DLG2: variants seen among roughly 807,000 people sequenced by gnomAD.
DLG2 encodes the protein discs large MAGUK scaffold protein 2, also known as disks large homolog 2.
DLG2 carries 45 observed loss-of-function variants against 132.5 expected under a neutral mutation model. The ratio of observed to expected loss-of-function variants is 0.34; its 90% CI spans 0.27 to 0.44. The LOEUF is 0.44. Among genes scored for constraint, DLG2 ranks in the 20% least tolerant of loss-of-function variants. DLG2 has a pLI of 1.00. For synonymous variants in DLG2, 424 were observed against 419.6 expected (o/e 1.01, Z -0.13); for missense variants, 1,045 against 1,196.9 (o/e 0.87, Z 1.87).
chr11:83,749,322 G>T (rs190559820), intron 18 of DLG2, among the ~76,000 whole-genome samples: 1 of 152,234 alleles, frequency 6.6e-6, no homozygotes, highest in Non-Finnish European at 1.5e-5. Context: ...CATTCAAACT[G>T]CTCAAGCTAA....
At chr11:83,997,038 A>C (rs896748800) in intron 11 of DLG2, among the ~76,000 whole-genome samples, 1 of 152,124 alleles carries the variant, frequency 6.6e-6, no homozygotes, top group African/African-American at 2.4e-5. Context: ...TGATATGCTT[A>C]CTTCGCGTGA....
At chr11:84,767,031 G>A (rs1228803506) in intron 6 of DLG2, among the ~76,000 whole-genome samples, 3 of 151,856 alleles carry the variant, frequency 2.0e-5, no homozygotes, top group Non-Finnish European at 2.9e-5. Flanking sequence ...CTGGTATGTT[G>A]GATAACATTG....
intron 7 of DLG2, among the ~76,000 whole-genome samples, chr11:84,470,511 G>A (rs776908536): frequency 1.3e-5 from 2 of 151,704 alleles, no homozygotes; most frequent in African/African-American, 4.8e-5. Context: ...TGCTTGGGGA[G>A]GAGTTTGCAG....
chr11:85,466,875 CATTGAATCT>C (rs2092809591), intron 3 of DLG2, among the ~76,000 whole-genome samples: 1 of 152,128 alleles, frequency 6.6e-6, no homozygotes, highest in Non-Finnish European at 1.5e-5. Flanking sequence ...ATGGGGATGG[CATTGAATCT>C]ATTAATTACC....
At chr11:85,190,082 T>C (rs576405321) in intron 4 of DLG2, among the ~76,000 whole-genome samples, 74 of 152,324 alleles carry the variant, frequency 4.9e-4, no homozygotes, top group African/African-American at 1.5e-3. Flanking sequence ...AAATGAAAGT[T>C]TGTTCATCCT....
chr11:85,350,539 T>C (rs1355085199), intron 3 of DLG2, among the ~76,000 whole-genome samples: 8 of 152,238 alleles, frequency 5.3e-5, no homozygotes, highest in African/African-American at 1.9e-4. Flanking sequence ...TTTATGGTTT[T>C]AGGTCTAACA....
chr11:85,508,625 T>C (rs2093988819), intron 3 of DLG2, among the ~76,000 whole-genome samples: 1 of 152,072 alleles, frequency 6.6e-6, no homozygotes, highest in Admixed American at 6.6e-5. Flanking sequence ...ATCTCTAGTT[T>C]CTAGAACAAT....
chr11:83,984,310 A>G (rs925752399), intron 11 of DLG2, among the ~76,000 whole-genome samples: 33 of 151,522 alleles, frequency 2.2e-4, no homozygotes, highest in African/African-American at 7.6e-4. Context: ...TTCAAGGTGA[A>G]GCAAGGTATT....
intron 6 of DLG2, among the ~76,000 whole-genome samples, chr11:84,918,709 A>G (rs1415351772): frequency 6.6e-6 from 1 of 152,204 alleles, no homozygotes; most frequent in Non-Finnish European, 1.5e-5. Flanking sequence ...GACTTAGTGT[A>G]AGTGGTTTGC....
chr11:84,152,339 T>TG (rs1474693568), intron 9 of DLG2, among the ~76,000 whole-genome samples: 7 of 149,086 alleles, frequency 4.7e-5, no homozygotes, highest in African/African-American at 1.5e-4. Flanking sequence ...TCTGTTTGTT[T>TG]GTTTGTTTTT....
At chr11:85,135,148 A>C (rs2076061450) in intron 5 of DLG2, among the ~76,000 whole-genome samples, 1 of 152,174 alleles carries the variant, frequency 6.6e-6, no homozygotes, top group South Asian at 2.1e-4. Flanking sequence ...ACTAACATCT[A>C]ATAGGTAATT....
At chr11:85,025,844 G>A (rs1006730400) in intron 6 of DLG2, among the ~76,000 whole-genome samples, 3 of 124,250 alleles carry the variant, frequency 2.4e-5, no homozygotes, top group Admixed American at 1.6e-4. Flanking sequence ...TTAGAACTCA[G>A]TATATGATAA....
intron 16 of DLG2, among the ~76,000 whole-genome samples, chr11:83,845,608 C>G (rs1490906586): frequency 6.6e-6 from 1 of 152,120 alleles, no homozygotes; most frequent in East Asian, 1.9e-4. Flanking sequence ...ATTAAATATA[C>G]AATATAGAGC....
At position 84,450,459 on chromosome 11, in the gene DLG2, G is replaced by A. The variant is rs568671195; in HGVS notation, c.519+84111C>T. On this transcript the variant is annotated intron_variant, in intron 7 of 27. Transcript: ENST00000376104. The stretch of plus-strand genomic sequence containing the variant: ...CAGCAGGAGCAAAAGCAAGAAGGTT[G>A]GAAAACATGAGATGTGTTTGAGGAG... 2.0e-5 allele frequency among the ~76,000 whole-genome samples: 3 copies of A among 150,386 alleles called. No homozygotes were observed. In the South Asian group the frequency reaches 6.3e-4, roughly 31 times the overall value.
chr11:85,576,035 GA>G (rs1302970711), intron 3 of DLG2, among the ~76,000 whole-genome samples: 2 of 152,264 alleles, frequency 1.3e-5, no homozygotes, highest in East Asian at 3.9e-4. Flanking sequence ...TACATTTGTT[GA>G]GACAGCTGAG....
At chr11:84,690,766 T>C (rs2057940135) in intron 6 of DLG2, among the ~76,000 whole-genome samples, 1 of 151,856 alleles carries the variant, frequency 6.6e-6, no homozygotes, top group African/African-American at 2.4e-5. Flanking sequence ...GTTTACATGA[T>C]TTACTCCAAA....
intron 12 of DLG2, among the ~76,000 whole-genome samples, chr11:83,979,500 G>A (rs2092590328): frequency 6.6e-6 from 1 of 152,156 alleles, no homozygotes; most frequent in South Asian, 2.1e-4. Context: ...ATGGACATAA[G>A]GCAGTTTTAT....
intron 9 of DLG2, among the ~76,000 whole-genome samples, chr11:84,145,892 C>T (rs931735922): frequency 6.6e-6 from 1 of 152,168 alleles, no homozygotes; most frequent in African/African-American, 2.4e-5. Flanking sequence ...ATTCCTGACA[C>T]TTTGATGCTT....
intron 5 of DLG2, among the ~76,000 whole-genome samples, chr11:85,137,842 G>C (rs934594292): frequency 6.6e-6 from 1 of 152,066 alleles, no homozygotes; most frequent in Non-Finnish European, 1.5e-5. Flanking sequence ...CTGCAGGCAG[G>C]TCATGGCAAA....
Sources: gnomAD v4.1 joint callset for allele counts (sites outside exome capture counted in the v4.1 genomes callset) on GRCh38, gnomAD v4.1.1 for gene constraint, MANE v1.5 for transcripts, NCBI Gene and HGNC (gene_info 2026-07-23, HGNC 2026-07-21) for gene names.